ATP2C1: variants seen among roughly 807,000 people sequenced by gnomAD.
ATP2C1 encodes ATPase secretory pathway Ca2+ transporting 1.
ATP2C1 carries 31 observed loss-of-function variants against 120.5 expected under a neutral mutation model. That is an observed-to-expected ratio of 0.26 (90% CI 0.19 to 0.35). The LOEUF (loss-of-function observed/expected upper bound fraction) is 0.35. Ranked by LOEUF, ATP2C1 falls within the 10% of genes least tolerant of loss-of-function variation. The pLI, the probability that ATP2C1 is intolerant of heterozygous loss-of-function variation, is 1.00. For missense variants in ATP2C1, 731 were observed against 1,107.5 expected, an observed-to-expected ratio of 0.66 and a Z score of 4.83; for synonymous variants, 351 against 358.7, an observed-to-expected ratio of 0.98 and a Z score of 0.24.
Position 130,941,223 on chromosome 3 carries a change from AGTGTGTGTGTGT to A in ATP2C1, c.423-337_423-326del, listed in dbSNP as rs71774561. 7.6e-3 allele frequency among the ~76,000 whole-genome samples: 1,103 copies of A among 144,378 alleles called. 11 individuals are homozygous for A. Among genetic ancestry groups the A allele is most frequent in the Non-Finnish European group, 7.4e-3 (488 of 65,968 alleles). 94.7% of individuals were successfully genotyped at this position (144,378 alleles called of 152,430 possible). A position where few individuals can be genotyped will look rare whatever the true frequency, so the allele number is the denominator to read the frequency against. ...GCCACCGCGCCCGGCTGTATTTAACAGTGTGTGTGTGTGTGTGTGTGTGTGTGTGTGTGTGTG... is the reference window on the plus strand; with the variant it reads ...GCCACCGCGCCCGGCTGTATTTAACAGTGTGTGTGTGTGTGTGTGTGTGTG... On this transcript the variant is annotated intron_variant, in intron 7 of 27. Coordinates refer to ENST00000510168, the MANE Select transcript of ATP2C1 (RefSeq NM_001378687.1).
chr3:130,895,034 A>G (rs948865108), intron 2 of ATP2C1, among the ~76,000 whole-genome samples: 1 of 152,084 alleles, frequency 6.6e-6, no homozygotes, highest in African/African-American at 2.4e-5. Context: ...AGCTTAGGGA[A>G]TGAGAGGGAA....
intron 1 of ATP2C1, among the ~76,000 whole-genome samples, chr3:130,856,987 A>G (rs2067862952): frequency 6.6e-6 from 1 of 152,252 alleles, no homozygotes; most frequent in Non-Finnish European, 1.5e-5. Context: ...ATGGGTTAAG[A>G]TAGAGGACAG....
At chr3:130,952,055 A>ATTAT (rs934937514) in intron 8 of ATP2C1, among the ~76,000 whole-genome samples, 1 of 152,100 alleles carries the variant, frequency 6.6e-6, no homozygotes, top group Non-Finnish European at 1.5e-5. Flanking sequence ...ACTCTCCCTA[A>ATTAT]TTATGGCCCA....
At chr3:130,984,856 T>C (rs920816360) in intron 20 of ATP2C1, among the ~76,000 whole-genome samples, 3 of 152,186 alleles carry the variant, frequency 2.0e-5, no homozygotes, top group South Asian at 2.1e-4. Context: ...TAAGCAATAA[T>C]AAATAACCTA....
intron 2 of ATP2C1, among the ~76,000 whole-genome samples, chr3:130,927,241 A>G (rs2059249623): frequency 6.6e-6 from 1 of 151,380 alleles, no homozygotes; most frequent in Admixed American, 6.6e-5. Context: ...TTTTTTTTTT[A>G]ACTTTTTTTT....
rs151181446 is a variant in ATP2C1, at chr3:130,919,610, C to T, written c.7-10806C>T. On this transcript the variant is annotated intron_variant, in intron 2 of 27. Coordinates refer to ENST00000510168, the MANE Select transcript of ATP2C1 (RefSeq NM_001378687.1). The stretch of plus-strand genomic sequence containing the variant: ...TCATCTGTTGGTGGACATTAGGTTT[C>T]TGCAGCTATCACTATCACATTGTGA... Among the ~76,000 whole-genome samples the T allele has an allele frequency of 7.8e-4, 119 of 152,282 alleles. No homozygotes were observed. The Middle Eastern group carries it at 0.01, about 13-fold the overall frequency.
exon 27 of ATP2C1, chr3:131,016,257 T>C (rs775706492): frequency 8.0e-5 from 129 of 1,614,074 alleles, no homozygotes; most frequent in Non-Finnish European, 1.0e-4. Context: ...AGTCCAGTCT[T>C]GTGCCCAGCC....
chr3:130,888,445 C>G (rs553031507), intron 1 of ATP2C1, among the ~76,000 whole-genome samples: 1 of 152,316 alleles, frequency 6.6e-6, no homozygotes, highest in South Asian at 2.1e-4. Context: ...TCAAGTTTAC[C>G]TAGAACCCCA....
At chr3:131,004,659 C>A (rs1000307597), downstream of ATP2C1, among the ~76,000 whole-genome samples, 2 of 152,224 alleles carry the variant, frequency 1.3e-5, no homozygotes, top group African/African-American at 4.8e-5. Context: ...ATGGGATCCT[C>A]AAAGAAATTT....
At chr3:130,955,991 G>A in intron 10 of ATP2C1, 113 bp from the exon 11 acceptor site, 1 of 749,684 alleles carries the variant, frequency 1.3e-6, no homozygotes, top group Non-Finnish European at 2.4e-6. Context: ...TTATGGGAGA[G>A]TTGTATGGTT....
chr3:130,876,829 C>T (rs1057122981), intron 1 of ATP2C1, among the ~76,000 whole-genome samples: 15 of 151,284 alleles, frequency 9.9e-5, no homozygotes, highest in African/African-American at 3.7e-4. Flanking sequence ...AGGTCTTTCA[C>T]CTCCTTGGTT....
At chr3:131,012,925 A>G (rs1304334664) in intron 26 of ATP2C1, among the ~76,000 whole-genome samples, 1 of 152,190 alleles carries the variant, frequency 6.6e-6, no homozygotes, top group African/African-American at 2.4e-5. Context: ...TAAAGTAAAG[A>G]AAATTGTTTA....
intron 14 of ATP2C1, among the ~76,000 whole-genome samples, 164 bp from the exon 15 acceptor site, chr3:130,966,981 T>C (rs1429745014): frequency 1.3e-5 from 2 of 152,186 alleles, no homozygotes; most frequent in Non-Finnish European, 1.5e-5. Context: ...TTACTAAATG[T>C]CCTTTTTAAA....
chr3:130,933,055 T>C (rs904877954), intron 4 of ATP2C1, among the ~76,000 whole-genome samples: 1 of 152,230 alleles, frequency 6.6e-6, no homozygotes, highest in African/African-American at 2.4e-5. Context: ...TCAGAAAGCA[T>C]TAACATAGTT....
chr3:130,959,444 A>G, intron 12 of ATP2C1, 103 bp downstream of exon 12: 3 of 733,070 alleles, frequency 4.1e-6, no homozygotes, highest in Non-Finnish European at 4.8e-6. Context: ...CATGGAGCCC[A>G]TAAGAGTATA....
intron 1 of ATP2C1, among the ~76,000 whole-genome samples, chr3:130,874,752 A>G (rs1294397120): frequency 6.6e-6 from 1 of 152,160 alleles, no homozygotes; most frequent in African/African-American, 2.4e-5. Context: ...GAAGGGTAGA[A>G]GGAGGGATAA....
chr3:130,888,627 T>A (rs981725617), intron 1 of ATP2C1, among the ~76,000 whole-genome samples: 1 of 152,154 alleles, frequency 6.6e-6, no homozygotes, highest in South Asian at 2.1e-4. Flanking sequence ...CTGAGTTCAA[T>A]AGAAAGACCA....
chr3:130,974,620 C>T (rs564712540), intron 17 of ATP2C1, among the ~76,000 whole-genome samples: 3 of 151,720 alleles, frequency 2.0e-5, no homozygotes, highest in African/African-American at 7.3e-5. Flanking sequence ...AAACAAAATA[C>T]TGGCAGATTT....
intron 20 of ATP2C1, among the ~76,000 whole-genome samples, chr3:130,982,045 TTTC>T (rs1576982510): frequency 6.6e-6 from 1 of 152,188 alleles, no homozygotes; most frequent in African/African-American, 2.4e-5. Context: ...AGTTTTTCAA[TTTC>T]TTCTTTTATG....
Sources: allele counts gnomAD v4.1 joint callset (sites outside exome capture counted in the v4.1 genomes callset), GRCh38; gene constraint gnomAD v4.1.1; transcripts MANE v1.5; gene names NCBI Gene and HGNC (gene_info 2026-07-23, HGNC 2026-07-21).